RSL24D1: variants seen among roughly 807,000 people sequenced by gnomAD.
The protein encoded by RSL24D1 is probable ribosome biogenesis protein RLP24.
A neutral mutation model predicts 26.2 loss-of-function variants in RSL24D1; 6 were observed. The observed-to-expected ratio is 0.23, with a 90% CI of 0.13 to 0.45. The LOEUF is 0.45. RSL24D1 is among the 20% of genes least tolerant of loss of function. The pLI is 0.99. For synonymous variants in RSL24D1, 61 were observed against 59.1 expected, an observed-to-expected ratio of 1.03 and a Z score of -0.15; for missense variants, 176 against 202.6, an observed-to-expected ratio of 0.87 and a Z score of 0.80.
intron 1 of RSL24D1, chr15:55,195,450 TC>T (rs775404420): frequency 6.6e-6 from 1 of 152,220 alleles, no homozygotes; most frequent in East Asian, 1.9e-4. Context: ...CTCTTCTGGA[TC>T]CACTGGTGAC....
At chr15:55,186,768 T>A (rs969802712) in intron 3 of RSL24D1, among the ~76,000 whole-genome samples, 1 of 151,254 alleles carries the variant, frequency 6.6e-6, no homozygotes, top group African/African-American at 2.5e-5. Flanking sequence ...CAATGTTAAT[T>A]TCTTGATTTT....
At chr15:55,192,922 C>G in intron 1 of RSL24D1, 89 bp from the exon 2 acceptor site, 1 of 781,920 alleles carries the variant, frequency 1.3e-6, no homozygotes, top group Non-Finnish European at 2.2e-6. Flanking sequence ...AATACTTTCC[C>G]TTCTACTTAA....
At chr15:55,185,075 G>C (rs1291848292) in intron 4 of RSL24D1, among the ~76,000 whole-genome samples, 1 of 152,118 alleles carries the variant, frequency 6.6e-6, no homozygotes, top group Non-Finnish European at 1.5e-5. Context: ...TTTCCTGACT[G>C]ATAGATAACC....
chr15:55,192,701 G>C lies in RSL24D1; in HGVS notation c.195+19C>G. 6.5e-7 allele frequency: 1 copy of C among 1,541,322 alleles called. No individual in the cohort carries two copies. The highest frequency in any genetic ancestry group is 9.0e-7 in the Non-Finnish European group (1 of 1,113,784). ...CTGTGAAACGTGTAAAAACTATATT[G>C]ATAGCTAACCGTACTCACCACTGTA... On this transcript the variant is annotated intron_variant, in intron 2 of 5. Coordinates refer to ENST00000260443, the MANE Select transcript of RSL24D1 (RefSeq NM_016304.3).
chr15:55,184,126 G>A lies in RSL24D1; in HGVS notation c.333-726C>T, dbSNP rs144265897. 5.3e-5 allele frequency among the ~76,000 whole-genome samples: 8 copies of A among 152,270 alleles called. No individual in the cohort carries two copies. The East Asian group carries it at 7.7e-4, about 15-fold the overall frequency. ...TTTTAAGCCAGAAAGCTGCTGGCAC[G>A]TGCTTCTTTTCCATGACATATTCCA... On this transcript the variant is annotated intron_variant, in intron 4 of 5. Coordinates refer to ENST00000260443, the MANE Select transcript of RSL24D1 (RefSeq NM_016304.3).
chr15:55,190,849 A>C, intron 3 of RSL24D1, 126 bp downstream of exon 3: 1 of 686,396 alleles, frequency 1.5e-6, no homozygotes, highest in Non-Finnish European at 2.5e-6. Flanking sequence ...ATGAGGATAA[A>C]ATAATAAAAG....
intron 3 of RSL24D1, among the ~76,000 whole-genome samples, chr15:55,186,268 G>C (rs1014522393): frequency 3.9e-5 from 6 of 152,094 alleles, no homozygotes; most frequent in African/African-American, 1.4e-4. Context: ...TTAAAGTGTA[G>C]TCTGTAGATC....
chr15:55,190,141 G>A (rs1296952430), intron 3 of RSL24D1, among the ~76,000 whole-genome samples: 8 of 151,948 alleles, frequency 5.3e-5, no homozygotes, highest in African/African-American at 1.7e-4. Context: ...CCAGCTACCT[G>A]GGAGGCTGAG....
At chr15:55,188,060 C>T (rs1566886478) in intron 3 of RSL24D1, among the ~76,000 whole-genome samples, 2 of 152,328 alleles carry the variant, frequency 1.3e-5, no homozygotes, top group Admixed American at 6.5e-5. Context: ...TTTCTACAGA[C>T]ATCAGTACCT....
At position 55,182,936 on chromosome 15, in the gene RSL24D1, G is replaced by C. The variant is rs959544178; in HGVS notation, c.418+379C>G. On this transcript the variant is annotated intron_variant, in intron 5 of 5. Coordinates refer to ENST00000260443, the MANE Select transcript of RSL24D1 (RefSeq NM_016304.3). Reference sequence around the variant, plus strand: ...CTGAACAGTGGCCCAGACTCAAAGAGCCTGGGCCTATGTATTTATACTAAG... The same window carrying C: ...CTGAACAGTGGCCCAGACTCAAAGACCCTGGGCCTATGTATTTATACTAAG... Among the ~76,000 whole-genome samples, 15 of 152,272 alleles carry C rather than the reference G, an allele frequency of 9.9e-5. 1 individual carries two copies. Among genetic ancestry groups the C allele is most frequent in the African/African-American group, 3.6e-4 (15 of 41,566 alleles).
Position 55,196,940 on chromosome 15 carries a change from G to A in RSL24D1, c.-50C>T. 2 of 1,571,902 alleles carry A rather than the reference G, an allele frequency of 1.3e-6. No individual in the cohort carries two copies. The highest frequency in any genetic ancestry group is 1.8e-6 in the Non-Finnish European group (2 of 1,142,666). ...AAACAAACGCCAAGCTTGAGAGGAA[G>A]TGATGCAACCCCGTCACCGGAAGTT... is the stretch of plus-strand genomic sequence containing the variant. On this transcript the variant is annotated 5_prime_UTR_variant, in exon 1 of 6. Transcript: ENST00000260443.
At chr15:55,189,908 T>C (rs899663688) in intron 3 of RSL24D1, among the ~76,000 whole-genome samples, 1 of 151,956 alleles carries the variant, frequency 6.6e-6, no homozygotes, top group Non-Finnish European at 1.5e-5. Flanking sequence ...CACCCAATAC[T>C]AGAAATAGCT....
chr15:55,196,007 T>G (rs1323563145), intron 1 of RSL24D1, among the ~76,000 whole-genome samples: 2 of 152,234 alleles, frequency 1.3e-5, no homozygotes. Flanking sequence ...GATCAAATTC[T>G]GAGAAACAAT....
chr15:55,183,162 T>C (rs1232409437), intron 5 of RSL24D1, among the ~76,000 whole-genome samples, 153 bp downstream of exon 5: 2 of 152,170 alleles, frequency 1.3e-5, no homozygotes, highest in African/African-American at 2.4e-5. Context: ...CTGACTGCAA[T>C]TGGGAAATAC....
chr15:55,196,699 G>C lies in RSL24D1; in HGVS notation c.81+111C>G, dbSNP rs549083383. 4 of 1,008,240 alleles carry C rather than the reference G, an allele frequency of 4.0e-6. No homozygotes were observed. In the African/African-American group the frequency reaches 4.8e-5, roughly 12 times the overall value. 62.5% of individuals were successfully genotyped at this position (1,008,240 alleles called of 1,614,324 possible). ...TAAGCCACCCTCCCAGGGGAACAACGGGAGGAACCCGGGCCAAACACGGCA... is the reference window on the plus strand; with the variant it reads ...TAAGCCACCCTCCCAGGGGAACAACCGGAGGAACCCGGGCCAAACACGGCA... On this transcript the variant is annotated intron_variant, in intron 1 of 5. Coordinates refer to ENST00000260443, the MANE Select transcript of RSL24D1 (RefSeq NM_016304.3).
At chr15:55,191,727 T>C (rs922609295) in intron 2 of RSL24D1, among the ~76,000 whole-genome samples, 2 of 152,150 alleles carry the variant, frequency 1.3e-5, no homozygotes, top group Non-Finnish European at 2.9e-5. Flanking sequence ...ATTTCTTGGT[T>C]TTCAAATCTA....
intron 3 of RSL24D1, among the ~76,000 whole-genome samples, 180 bp downstream of exon 3, chr15:55,190,795 A>T (rs1045146883): frequency 2.0e-5 from 3 of 149,632 alleles, no homozygotes; most frequent in Admixed American, 1.3e-4. Context: ...AGCCAATTGT[A>T]AAAAAAAAAT....
At chr15:55,196,730 A>T in intron 1 of RSL24D1, 80 bp downstream of exon 1, 1 of 1,375,194 alleles carries the variant, frequency 7.3e-7, no homozygotes, top group Non-Finnish European at 1.0e-6. Context: ...CGGCAGACGC[A>T]GAAGCACCCA....
At chr15:55,187,589 T>C (rs1009602764) in intron 3 of RSL24D1, among the ~76,000 whole-genome samples, 1 of 152,220 alleles carries the variant, frequency 6.6e-6, no homozygotes, top group African/African-American at 2.4e-5. Flanking sequence ...ATAATGTCTT[T>C]TACAGCAACT....
Sources: gnomAD v4.1 joint callset for allele counts (sites outside exome capture counted in the v4.1 genomes callset) on GRCh38, gnomAD v4.1.1 for gene constraint, MANE v1.5 for transcripts, NCBI Gene and HGNC (gene_info 2026-07-23, HGNC 2026-07-21) for gene names.